Variants in BTBD8 observed in about 807,000 individuals in gnomAD.
BTBD8 encodes the protein BTB domain containing 8.
BTBD8 carries 110 observed loss-of-function variants against 162.9 expected under a neutral mutation model. That is an observed-to-expected ratio of 0.68 (90% CI 0.58 to 0.79). The LOEUF is 0.79. BTBD8 is among the 30% of genes least tolerant of loss of function. BTBD8 has a pLI of 0.00. For missense variants in BTBD8, 1,905 were observed against 2,085.4 expected, an observed-to-expected ratio of 0.91 and a Z score of 1.68; for synonymous variants, 667 against 716.1, an observed-to-expected ratio of 0.93 and a Z score of 1.10.
chr1:92,164,673 GTTT>G (rs1650345030), intron 9 of BTBD8, among the ~76,000 whole-genome samples: 1 of 145,994 alleles, frequency 6.8e-6, no homozygotes, highest in Non-Finnish European at 1.5e-5. Flanking sequence ...GCAAGACCCT[GTTT>G]CACATGGCGG....
intron 3 of BTBD8, among the ~76,000 whole-genome samples, chr1:92,103,306 TG>T (rs779730821): frequency 4.1e-4 from 63 of 152,362 alleles, no homozygotes; most frequent in Admixed American, 7.8e-4. Flanking sequence ...TGATTTATCC[TG>T]GTTAGATTCC....
intron 9 of BTBD8, 164 bp downstream of exon 9, chr1:92,147,950 ACT>A (rs1649964418): frequency 8.3e-6 from 5 of 603,852 alleles, no homozygotes; most frequent in Non-Finnish European, 1.4e-5. Flanking sequence ...CTTTGAAACC[ACT>A]CTGCATACCC....
intron 2 of BTBD8, among the ~76,000 whole-genome samples, chr1:92,092,858 A>G (rs926146373): frequency 1.3e-5 from 2 of 152,210 alleles, no homozygotes; most frequent in African/African-American, 4.8e-5. Context: ...TTATTTGCTA[A>G]CATGGTTTTT....
intron 1 of BTBD8, among the ~76,000 whole-genome samples, chr1:92,085,543 C>T (rs1237588270): frequency 1.3e-5 from 2 of 151,954 alleles, no homozygotes; most frequent in Non-Finnish European, 2.9e-5. Context: ...CACCTGTACT[C>T]CCAGCTACTC....
chr1:92,179,525 AAAT>A (rs1650825403), intron 16 of BTBD8, among the ~76,000 whole-genome samples: 1 of 152,232 alleles, frequency 6.6e-6, no homozygotes, highest in Admixed American at 6.5e-5. Context: ...AATCAATTAA[AAAT>A]AAGGTAGAGA....
intron 6 of BTBD8, 33 bp from the exon 7 acceptor site, chr1:92,141,082 G>T: frequency 1.3e-6 from 2 of 1,494,174 alleles, no homozygotes; most frequent in South Asian, 1.3e-5. Flanking sequence ...TTTTTAAATT[G>T]GAGAATTAAC....
At chr1:92,161,922 T>C (rs1448380023) in intron 9 of BTBD8, among the ~76,000 whole-genome samples, 2 of 152,212 alleles carry the variant, frequency 1.3e-5, no homozygotes, top group Admixed American at 6.5e-5. Flanking sequence ...TCTCTTAGCC[T>C]TATTACATAT....
chr1:92,113,735 C>G (rs997390748), intron 4 of BTBD8, among the ~76,000 whole-genome samples: 1 of 150,702 alleles, frequency 6.6e-6, no homozygotes, highest in Non-Finnish European at 1.5e-5. Flanking sequence ...GGGGTAGGCC[C>G]GGTGCGGTGG....
intron 3 of BTBD8, among the ~76,000 whole-genome samples, chr1:92,107,355 A>G (rs1395031843): frequency 6.6e-6 from 1 of 152,222 alleles, no homozygotes; most frequent in Admixed American, 6.5e-5. Context: ...ATTTTGGTCA[A>G]CAATGGACCA....
intron 2 of BTBD8, among the ~76,000 whole-genome samples, chr1:92,092,385 G>A (rs1446783798): frequency 1.6e-5 from 2 of 123,228 alleles, no homozygotes; most frequent in Admixed American, 8.6e-5. Flanking sequence ...CTCAGAGTGA[G>A]GCTATCTCCA....
At chr1:92,183,755 G>GGTT in intron 17 of BTBD8, 109 bp from the exon 18 acceptor site, 3 of 430,544 alleles carry the variant, frequency 7.0e-6, no homozygotes, top group Non-Finnish European at 1.2e-5. Flanking sequence ...CCCATTCTGT[G>GGTT]TTTTTTTTTT....
intron 13 of BTBD8, among the ~76,000 whole-genome samples, chr1:92,172,298 CAG>C (rs1439490977): frequency 6.6e-6 from 1 of 152,088 alleles, no homozygotes; most frequent in Non-Finnish European, 1.5e-5. Flanking sequence ...TCAATGAGTA[CAG>C]AGTTTCCATT....
Position 92,181,991 on chromosome 1 carries a change from G to A in BTBD8, c.4308G>A (p.Arg1436=), listed in dbSNP as rs2100694456. ...REFSATKKFK[R]SVLLSVDECE... Reference sequence around the variant, plus strand: ...TTTCTGCAACTAAAAAGTTTAAAAGGTCAGTTTTACTTTCAGTCGATGAAT... The same window carrying A: ...TTTCTGCAACTAAAAAGTTTAAAAGATCAGTTTTACTTTCAGTCGATGAAT... Residue 1436 remains arginine, a synonymous_variant, in exon 17 of 18, where the codon AGG becomes AGA. Coordinates refer to ENST00000636805, the MANE Select transcript of BTBD8 (RefSeq NM_001376131.1). The A allele has an allele frequency of 1.3e-6, 2 of 1,551,510 alleles. No homozygotes were observed. The highest frequency in any genetic ancestry group is 1.7e-6 in the Non-Finnish European group (2 of 1,146,872).
intron 15 of BTBD8, 56 bp downstream of exon 15, chr1:92,177,954 A>G: frequency 1.3e-6 from 1 of 779,710 alleles, no homozygotes; most frequent in Non-Finnish European, 2.1e-6. Context: ...AAAGTTAATT[A>G]TATACTAACT....
intron 5 of BTBD8, among the ~76,000 whole-genome samples, chr1:92,131,296 CA>C (rs1649508964): frequency 2.0e-5 from 3 of 152,148 alleles, no homozygotes; most frequent in African/African-American, 7.2e-5. Context: ...GTCCAAAACA[CA>C]AAACATGAAA....
intron 5 of BTBD8, among the ~76,000 whole-genome samples, chr1:92,137,060 T>C (rs1423298673): frequency 6.6e-6 from 1 of 152,170 alleles, no homozygotes; most frequent in Non-Finnish European, 1.5e-5. Flanking sequence ...GTGAACGGTA[T>C]GTGCTAAGAC....
At chr1:92,163,959 A>T (rs1040234489) in intron 9 of BTBD8, among the ~76,000 whole-genome samples, 6 of 152,204 alleles carry the variant, frequency 3.9e-5, no homozygotes, top group African/African-American at 1.4e-4. Context: ...TATAGTAAGC[A>T]CTTTGTAGAT....
In BTBD8 at chr1:92,145,754, G is replaced by A. The variant is rs188112953; in HGVS notation, c.931-1426G>A. Among the ~76,000 whole-genome samples the A allele has an allele frequency of 2.4e-4, 37 of 152,262 alleles. 2 individuals carry two copies. The East Asian group carries it at 2.9e-3, about 12-fold the overall frequency. On this transcript the variant is annotated intron_variant, in intron 7 of 17. Coordinates refer to ENST00000636805, the MANE Select transcript of BTBD8 (RefSeq NM_001376131.1). ...CCCAGCACTTTGGGAGGCCAAGGCG[G>A]GTGGATCACGAGACCAGGAGTTCAA...
chr1:92,097,665 A>G (rs1001326762), intron 2 of BTBD8, among the ~76,000 whole-genome samples: 1 of 151,942 alleles, frequency 6.6e-6, no homozygotes, highest in Non-Finnish European at 1.5e-5. Flanking sequence ...GGCTTTCCAA[A>G]CTCGACATGG....
Sources: gnomAD v4.1 joint callset for allele counts (sites outside exome capture counted in the v4.1 genomes callset) on GRCh38, gnomAD v4.1.1 for gene constraint, MANE v1.5 for transcripts, NCBI Gene and HGNC (gene_info 2026-07-23, HGNC 2026-07-21) for gene names.